Variants in CNTN6 observed in about 807,000 individuals in gnomAD.
CNTN6 encodes the protein contactin 6.
CNTN6 carries 137 observed loss-of-function variants against 122.8 expected under a neutral mutation model. That is an observed-to-expected ratio of 1.12 (90% CI 0.97 to 1.29). CNTN6 has a LOEUF of 1.29. CNTN6 is among the 50% of genes most tolerant of loss of function. CNTN6 has a pLI of 0.00. For synonymous variants in CNTN6, 570 were observed against 426.0 expected, an observed-to-expected ratio of 1.34 and a Z score of -4.16; for missense variants, 1,634 against 1,223.4, an observed-to-expected ratio of 1.34 and a Z score of -5.01.
intron 1 of CNTN6, among the ~76,000 whole-genome samples, chr3:1,134,928 G>A (rs2092434051): frequency 6.6e-6 from 1 of 152,074 alleles, no homozygotes; most frequent in African/African-American, 2.4e-5. Flanking sequence ...TTGGAGAAAT[G>A]TATCATGAGG....
At chr3:1,192,882 C>T (rs2093722525) in intron 2 of CNTN6, among the ~76,000 whole-genome samples, 1 of 152,122 alleles carries the variant, frequency 6.6e-6, no homozygotes, top group Non-Finnish European at 1.5e-5. Flanking sequence ...ACTTAGCTCA[C>T]CCACACAGCA....
At chr3:1,337,862 G>C (rs1055305289) in intron 11 of CNTN6, among the ~76,000 whole-genome samples, 1 of 152,042 alleles carries the variant, frequency 6.6e-6, no homozygotes, top group African/African-American at 2.4e-5. Flanking sequence ...GTGTGCCCCT[G>C]TCAGTCTTGT....
chr3:1,387,623 G>A (rs879800538), intron 20 of CNTN6, among the ~76,000 whole-genome samples: 61 of 152,180 alleles, frequency 4.0e-4, no homozygotes, highest in Non-Finnish European at 7.1e-4. Flanking sequence ...GTGAAGACGC[G>A]TGATTTCTGC....
intron 7 of CNTN6, among the ~76,000 whole-genome samples, chr3:1,308,749 T>G (rs949601941): frequency 4.6e-5 from 7 of 151,708 alleles, no homozygotes; most frequent in Non-Finnish European, 1.0e-4. Context: ...AGTAATAAAT[T>G]AGAATTTTGA....
intron 4 of CNTN6, among the ~76,000 whole-genome samples, chr3:1,238,803 C>G (rs922264662): frequency 1.3e-5 from 2 of 151,994 alleles, no homozygotes; most frequent in Non-Finnish European, 2.9e-5. Flanking sequence ...CAAAACCAGG[C>G]AAATACATGG....
At chr3:1,400,385 C>T (rs922888876) in intron 20 of CNTN6, among the ~76,000 whole-genome samples, 2 of 152,024 alleles carry the variant, frequency 1.3e-5, no homozygotes, top group African/African-American at 2.4e-5. Context: ...CCTGGATTCT[C>T]GTTTTCTTGT....
chr3:1,218,843 G>A (rs1039818960), intron 2 of CNTN6, among the ~76,000 whole-genome samples: 1 of 152,080 alleles, frequency 6.6e-6, no homozygotes, highest in Non-Finnish European at 1.5e-5. Context: ...TCTAATAAAG[G>A]AAGCCAGGTT....
At chr3:1,152,584 T>C (rs935282833) in intron 2 of CNTN6, among the ~76,000 whole-genome samples, 3 of 152,188 alleles carry the variant, frequency 2.0e-5, no homozygotes, top group Admixed American at 6.5e-5. Context: ...ACTGTCACAT[T>C]TTCCCACAGT....
intron 4 of CNTN6, among the ~76,000 whole-genome samples, chr3:1,264,769 A>G (rs1206106027): frequency 2.6e-4 from 39 of 152,034 alleles, no homozygotes; most frequent in Admixed American, 2.6e-3. Flanking sequence ...ATTATTATTT[A>G]TTATTTTTAC....
At chr3:1,166,188 A>G (rs988035426) in intron 2 of CNTN6, among the ~76,000 whole-genome samples, 1 of 152,214 alleles carries the variant, frequency 6.6e-6, no homozygotes, top group African/African-American at 2.4e-5. Context: ...ATATAGTCAC[A>G]AATATGGGCA....
intron 12 of CNTN6, among the ~76,000 whole-genome samples, chr3:1,366,221 A>G (rs1309281275): frequency 1.3e-5 from 2 of 152,220 alleles, no homozygotes; most frequent in African/African-American, 2.4e-5. Flanking sequence ...GAATAGCATG[A>G]CATGAAATGA....
intron 22 of CNTN6, 134 bp from the exon 23 acceptor site, chr3:1,403,184 A>G: frequency 1.8e-6 from 1 of 568,440 alleles, no homozygotes; most frequent in Middle Eastern, 4.7e-4. Flanking sequence ...ATTAAATATA[A>G]TGTGAATGAG....
At chr3:1,280,229 A>T (rs1419762202) in intron 5 of CNTN6, among the ~76,000 whole-genome samples, 5 of 152,134 alleles carry the variant, frequency 3.3e-5, no homozygotes, top group Admixed American at 1.3e-4. Context: ...AAAAAAATTT[A>T]AAAAATTAAA....
chr3:1,093,912 T>G (rs1299344747), intron 1 of CNTN6, among the ~76,000 whole-genome samples: 1 of 152,176 alleles, frequency 6.6e-6, no homozygotes, highest in African/African-American at 2.4e-5. Flanking sequence ...TTCATAGTTT[T>G]TGCTTCTCCA....
intron 12 of CNTN6, among the ~76,000 whole-genome samples, chr3:1,367,154 A>G (rs1209593448): frequency 2.0e-5 from 3 of 152,100 alleles, no homozygotes; most frequent in Non-Finnish European, 1.5e-5. Context: ...ACATCCTATC[A>G]TTTTTTTGTG....
intron 5 of CNTN6, among the ~76,000 whole-genome samples, chr3:1,289,535 G>A (rs1694921121): frequency 6.6e-6 from 1 of 152,154 alleles, no homozygotes; most frequent in South Asian, 2.1e-4. Context: ...CTAAGAGACA[G>A]CCTTTTCTCC....
chr3:1,264,685 C>T (rs955302659), intron 4 of CNTN6, among the ~76,000 whole-genome samples: 1 of 151,514 alleles, frequency 6.6e-6, no homozygotes, highest in African/African-American at 2.4e-5. Flanking sequence ...AATTTGTCAC[C>T]CCACATACTT....
At chr3:1,161,140 A>G (rs2093123119) in intron 2 of CNTN6, among the ~76,000 whole-genome samples, 1 of 151,892 alleles carries the variant, frequency 6.6e-6, no homozygotes, top group Admixed American at 6.6e-5. Flanking sequence ...CAAAAGCTAC[A>G]AAGCAGGTCC....
intron 9 of CNTN6, 110 bp from the exon 10 acceptor site, chr3:1,327,347 C>A: frequency 8.3e-7 from 1 of 1,209,462 alleles, no homozygotes; most frequent in Non-Finnish European, 1.2e-6. Flanking sequence ...ATTAATACAC[C>A]AAATTATCAG....
Sources: allele counts gnomAD v4.1 joint callset (sites outside exome capture counted in the v4.1 genomes callset), GRCh38; gene constraint gnomAD v4.1.1; transcripts MANE v1.5; gene names NCBI Gene and HGNC (gene_info 2026-07-23, HGNC 2026-07-21).